GRIK2: variants seen among roughly 807,000 people sequenced by gnomAD.
GRIK2 encodes the protein glutamate ionotropic receptor kainate type subunit 2.
GRIK2 carries 32 observed loss-of-function variants against 100.3 expected under a neutral mutation model. The ratio of observed to expected loss-of-function variants is 0.32; its 90% CI spans 0.24 to 0.43. The LOEUF (loss-of-function observed/expected upper bound fraction) is 0.43. GRIK2 is among the 20% of genes least tolerant of loss of function. The pLI is 1.00. For synonymous variants in GRIK2, 417 were observed against 389.4 expected, an observed-to-expected ratio of 1.07 and a Z score of -0.83; for missense variants, 843 against 1,114.9, an observed-to-expected ratio of 0.76 and a Z score of 3.47.
chr6:102,022,786 C>A (rs1341976953), intron 14 of GRIK2, among the ~76,000 whole-genome samples: 1 of 151,490 alleles, frequency 6.6e-6, no homozygotes, highest in Non-Finnish European at 1.5e-5. Context: ...ATTTATAGAG[C>A]AAATGGGTAG....
chr6:101,464,263 G>C (rs1205531782), intron 2 of GRIK2, among the ~76,000 whole-genome samples: 1 of 152,146 alleles, frequency 6.6e-6, no homozygotes, highest in African/African-American at 2.4e-5. Flanking sequence ...AGCCTAAGGA[G>C]AGGGTCCATG....
intron 12 of GRIK2, among the ~76,000 whole-genome samples, chr6:101,907,120 TACA>T (rs1788284589): frequency 6.6e-6 from 1 of 151,680 alleles, no homozygotes. Flanking sequence ...GTATCAACTG[TACA>T]ACATGTTAAG....
intron 10 of GRIK2, among the ~76,000 whole-genome samples, chr6:101,850,088 A>G (rs544660951): frequency 3.9e-5 from 6 of 152,162 alleles, no homozygotes; most frequent in South Asian, 4.1e-4. Context: ...CTCTAAAACA[A>G]GACACATGTC....
At chr6:101,562,319 G>A (rs1045826648) in intron 2 of GRIK2, among the ~76,000 whole-genome samples, 4 of 151,920 alleles carry the variant, frequency 2.6e-5, no homozygotes, top group Admixed American at 1.3e-4. Context: ...TAATGGACAC[G>A]GCATCACACA....
At chr6:101,762,356 TA>T (rs567172285) in intron 7 of GRIK2, among the ~76,000 whole-genome samples, 61 of 151,988 alleles carry the variant, frequency 4.0e-4, no homozygotes, top group South Asian at 6.2e-4. Context: ...TTTATTTTAT[TA>T]TTTTTTTTAA....
intron 2 of GRIK2, among the ~76,000 whole-genome samples, chr6:101,511,189 C>T (rs563136048): frequency 6.6e-6 from 1 of 152,292 alleles, no homozygotes; most frequent in South Asian, 2.1e-4. Context: ...AATTCTCTAT[C>T]CCAATAACAA....
intron 7 of GRIK2, among the ~76,000 whole-genome samples, chr6:101,716,010 G>A (rs908231964): frequency 1.3e-5 from 2 of 151,674 alleles, no homozygotes; most frequent in African/African-American, 4.8e-5. Flanking sequence ...TCATCCTATA[G>A]CTTCCTCCAC....
At chr6:101,655,053 T>G (rs984142979) in intron 4 of GRIK2, among the ~76,000 whole-genome samples, 1 of 152,202 alleles carries the variant, frequency 6.6e-6, no homozygotes, top group Admixed American at 6.6e-5. Context: ...CAGTGATTCT[T>G]CTAGTTCTGG....
At position 101,751,712 on chromosome 6, in the gene GRIK2, A is replaced by G. The variant is rs1023711423; in HGVS notation, c.952-47936A>G. 1.3e-5 allele frequency among the ~76,000 whole-genome samples: 2 copies of G among 152,214 alleles called. 1 individual carries two copies. Among genetic ancestry groups the G allele is most frequent in the East Asian group, 3.8e-4 (2 of 5,200 alleles). On this transcript the variant is annotated intron_variant, in intron 7 of 16. Coordinates refer to ENST00000369134, the MANE Select transcript of GRIK2 (RefSeq NM_021956.5). ...GGATTTTGCTGATTGCAACCCCATG[A>G]TAATCTTCAACATGTTCATCTGTCC...
chr6:101,548,646 T>A (rs140995018), intron 2 of GRIK2, among the ~76,000 whole-genome samples: 2 of 152,340 alleles, frequency 1.3e-5, no homozygotes, highest in East Asian at 3.9e-4. Flanking sequence ...TGTGGCATTA[T>A]TTCTGAGGGC....
chr6:101,572,708 A>G (rs1328722637), intron 2 of GRIK2, among the ~76,000 whole-genome samples: 1 of 120,620 alleles, frequency 8.3e-6, no homozygotes, highest in South Asian at 2.4e-4. Flanking sequence ...CATCTGTACT[A>G]TTTTCTACCA....
chr6:102,011,519 T>A (rs1251702265), intron 14 of GRIK2, among the ~76,000 whole-genome samples: 1 of 151,772 alleles, frequency 6.6e-6, no homozygotes, highest in East Asian at 1.9e-4. Flanking sequence ...CAGAGCAAGG[T>A]TTTAAATTTT....
chr6:101,981,592 T>G (rs1442941629), intron 14 of GRIK2, among the ~76,000 whole-genome samples: 1 of 151,822 alleles, frequency 6.6e-6, no homozygotes, highest in Non-Finnish European at 1.5e-5. Flanking sequence ...AAAAAGAAAG[T>G]TAGTACAACG....
chr6:101,716,749 T>C (rs1774100290), intron 7 of GRIK2, among the ~76,000 whole-genome samples: 1 of 151,644 alleles, frequency 6.6e-6, no homozygotes, highest in Non-Finnish European at 1.5e-5. Context: ...TAAAGAATAA[T>C]AATAAAACAA....
intron 10 of GRIK2, among the ~76,000 whole-genome samples, chr6:101,855,119 A>C (rs561229448): frequency 5.3e-5 from 8 of 152,150 alleles, no homozygotes; most frequent in Non-Finnish European, 1.2e-4. Flanking sequence ...GGATATCTAG[A>C]CCTTAAGGAA....
intron 7 of GRIK2, among the ~76,000 whole-genome samples, chr6:101,733,949 A>T (rs1173347324): frequency 6.6e-6 from 1 of 151,978 alleles, no homozygotes; most frequent in Non-Finnish European, 1.5e-5. Flanking sequence ...ACACATCACC[A>T]GAATTGCCCT....
rs1490834361 is a variant in GRIK2 at position 101,666,103 on chromosome 6, T to G, written c.542-10520T>G. On this transcript the variant is annotated intron_variant, in intron 4 of 16. Transcript: ENST00000369134. ...TTGCAATTTCAGGGGTCCCAAAGAT[T>G]ACTCTCAAGTTTGATAATTTGCTAG... Among the ~76,000 whole-genome samples, 3 of 152,286 alleles carry G rather than the reference T, an allele frequency of 2.0e-5. No homozygotes were observed. In the East Asian group the frequency reaches 5.8e-4, roughly 30 times the overall value.
At chr6:102,037,297 T>A (rs565257303) in intron 15 of GRIK2, among the ~76,000 whole-genome samples, 11 of 151,394 alleles carry the variant, frequency 7.3e-5, no homozygotes, top group African/African-American at 2.7e-4. Context: ...ATTGGAATTG[T>A]CCAATTTTAT....
intron 2 of GRIK2, among the ~76,000 whole-genome samples, chr6:101,593,338 A>T (rs926107057): frequency 1.3e-5 from 2 of 151,860 alleles, no homozygotes; most frequent in African/African-American, 2.4e-5. Context: ...TATTTGTTTC[A>T]TATATTCTGA....
Sources: allele counts gnomAD v4.1 joint callset (sites outside exome capture counted in the v4.1 genomes callset), GRCh38; gene constraint gnomAD v4.1.1; transcripts MANE v1.5; gene names NCBI Gene and HGNC (gene_info 2026-07-23, HGNC 2026-07-21).